Variants in ZNF610 observed in about 807,000 individuals in gnomAD.
ZNF610 encodes the protein zink finger protein.
In ZNF610, 14 loss-of-function variants were observed where a neutral mutation model predicts 14.1. The ratio of observed to expected loss-of-function variants is 0.99; its 90% confidence interval spans 0.65 to 1.55. ZNF610 has a LOEUF of 1.55. Among genes scored for constraint, ZNF610 ranks in the 40% most tolerant of loss-of-function variants. ZNF610 has a pLI of 0.00. For missense variants in ZNF610, 530 were observed against 558.0 expected, an observed-to-expected ratio of 0.95 and a Z score of 0.51; for synonymous variants, 185 against 187.6, an observed-to-expected ratio of 0.99 and a Z score of 0.11.
At chr19:52,353,652 G>C (rs758163500) in intron 3 of ZNF610, 30 bp from the exon 4 acceptor site, 1 of 1,609,448 alleles carries the variant, frequency 6.2e-7, no homozygotes, top group Admixed American at 1.7e-5. Context: ...TACATTTTTA[G>C]TGTTGTAAAC....
intron 1 of ZNF610, among the ~76,000 whole-genome samples, chr19:52,339,132 T>C (rs951719054): frequency 5.3e-5 from 8 of 152,070 alleles, no homozygotes; most frequent in Non-Finnish European, 7.3e-5. Flanking sequence ...GCAGTATTGC[T>C]GCCAGCATGT....
chr19:52,348,918 C>T (rs1170597373), intron 2 of ZNF610, among the ~76,000 whole-genome samples: 1 of 152,148 alleles, frequency 6.6e-6, no homozygotes, highest in African/African-American at 2.4e-5. Context: ...AGCCTAGCTC[C>T]CTACTGCTGT....
At chr19:52,355,488 G>T (rs1985480012) in intron 5 of ZNF610, among the ~76,000 whole-genome samples, 1 of 152,128 alleles carries the variant, frequency 6.6e-6, no homozygotes, top group African/African-American at 2.4e-5. Context: ...AAATGTGTGG[G>T]GATTTCTCCC....
chr19:52,361,228 G>A (rs1355154960), intron 5 of ZNF610, among the ~76,000 whole-genome samples: 1 of 151,324 alleles, frequency 6.6e-6, no homozygotes, highest in Non-Finnish European at 1.5e-5. Context: ...GCCCAGGCTG[G>A]AGTGCACTGG....
intron 1 of ZNF610, among the ~76,000 whole-genome samples, chr19:52,345,712 A>AT (rs56991468): frequency 0.02 from 3,060 of 150,548 alleles, 87 homozygotes; most frequent in African/African-American, 0.07. Context: ...TTTTATTTTT[A>AT]TTTTTTTTTG....
In ZNF610 at chr19:52,354,334, G is replaced by T. The variant is rs145543252; in HGVS notation, c.274G>T (p.Val92Leu). 1.9e-6 allele frequency: 3 copies of T among 1,613,992 alleles called. No homozygotes were observed. The East Asian group carries it at 6.7e-5, about 36-fold the overall frequency. The change falls in exon 5 of 6, where the codon GTA (valine) becomes TTA (leucine). Residue 92 changes from valine (V) to leucine (L), a missense_variant. Coordinates refer to ENST00000403906, the MANE Select transcript of ZNF610 (RefSeq NM_001161425.2). ...GATTCTGCAAAGTCAAGTTAAAATA[G>T]TAAAAAATACAGATGGAAGGGAATG... Reference protein sequence around the residue: ...PLILQSQVKIVKNTDGRECVR... With the variant: ...PLILQSQVKILKNTDGRECVR...
At chr19:52,350,693 CAAAA>C (rs906932491) in intron 3 of ZNF610, among the ~76,000 whole-genome samples, 2 of 150,690 alleles carry the variant, frequency 1.3e-5, no homozygotes, top group African/African-American at 4.9e-5. Context: ...CAAAACAAAA[CAAAA>C]AAAACCTATA....
At chr19:52,354,859 G>A (rs908806255) in intron 5 of ZNF610, among the ~76,000 whole-genome samples, 8 of 151,940 alleles carry the variant, frequency 5.3e-5, no homozygotes, top group African/African-American at 9.7e-5. Flanking sequence ...GATTACAGAC[G>A]TGAGCCACCA....
chr19:52,363,158 C>T (rs1159082922), intron 5 of ZNF610, among the ~76,000 whole-genome samples: 1 of 150,072 alleles, frequency 6.7e-6, no homozygotes, highest in Non-Finnish European at 1.5e-5. Context: ...CATAGTCTCA[C>T]CCTGTTGCCT....
intron 1 of ZNF610, among the ~76,000 whole-genome samples, chr19:52,338,704 G>A (rs1174274856): frequency 6.6e-6 from 1 of 151,338 alleles, no homozygotes; most frequent in Admixed American, 6.6e-5. Context: ...TAGTAAACAT[G>A]TTTTTTTTTC....
At chr19:52,344,561 T>G (rs1365419209) in intron 1 of ZNF610, among the ~76,000 whole-genome samples, 1 of 152,216 alleles carries the variant, frequency 6.6e-6, no homozygotes, top group African/African-American at 2.4e-5. Flanking sequence ...ACATCTCTTG[T>G]GCCTCCTTAC....
At position 52,355,725 on chromosome 19, in the gene ZNF610, G is replaced by A. The variant is rs1044793842; in HGVS notation, c.319+1346G>A. On this transcript the variant is annotated intron_variant, in intron 5 of 5. Coordinates refer to ENST00000403906, the MANE Select transcript of ZNF610 (RefSeq NM_001161425.2). ...TTCTTGGGTTGATTACTTTGCTCGGGTGGCTCACAGAACTCAGTGAGACAC... is the reference window on the plus strand; with the variant it reads ...TTCTTGGGTTGATTACTTTGCTCGGATGGCTCACAGAACTCAGTGAGACAC... Among the ~76,000 whole-genome samples, 3 of 152,208 alleles carry A rather than the reference G, an allele frequency of 2.0e-5. No homozygotes were observed. The South Asian group carries it at 6.2e-4, about 31-fold the overall frequency.
Position 52,366,031 on chromosome 19 carries a change from G to A in ZNF610, c.653G>A (p.Ser218Asn), listed in dbSNP as rs1319269868. The change falls in exon 6 of 6, where the codon AGC becomes AAC. Residue 218 changes from serine (S) to asparagine (N), a missense_variant. Ser to Asn is a conservative substitution (Grantham distance 46). Transcript: ENST00000403906. The part of the protein sequence containing the change: ...EDGEVFRVRA[S>N]LTNHQVIHTA... ...GGTGAAGTTTTTAGAGTCCGTGCAA[G>A]CCTTACTAACCATCAAGTAATCCAT... The A allele has an allele frequency of 6.2e-7, 1 of 1,614,106 alleles. No individual in the cohort carries two copies. Among genetic ancestry groups the A allele is most frequent in the South Asian group, 1.1e-5 (1 of 91,060 alleles).
At chr19:52,334,001 AAAG>A (rs1169473848), upstream of ZNF610, among the ~76,000 whole-genome samples, 1 of 152,212 alleles carries the variant, frequency 6.6e-6, no homozygotes, top group East Asian at 1.9e-4. Context: ...TCCCTGCAGA[AAAG>A]AACATGAGTT....
intron 5 of ZNF610, 82 bp from the exon 6 acceptor site, chr19:52,365,616 G>A (rs1360033131): frequency 8.0e-7 from 1 of 1,256,710 alleles, no homozygotes; most frequent in Admixed American, 2.3e-5. Context: ...TCTGAGTTGG[G>A]TGAGGCTGAT....
At chr19:52,337,174 C>G (rs1362892769) in intron 1 of ZNF610, among the ~76,000 whole-genome samples, 1 of 151,010 alleles carries the variant, frequency 6.6e-6, no homozygotes, top group African/African-American at 2.4e-5. Flanking sequence ...GGAGGCTCCT[C>G]AGACAGAGTA....
chr19:52,358,196 T>C (rs1015611727), intron 5 of ZNF610, among the ~76,000 whole-genome samples: 4 of 152,196 alleles, frequency 2.6e-5, no homozygotes, highest in African/African-American at 7.2e-5. Flanking sequence ...TTTTGCTTTC[T>C]TTTTTTGAGA....
intron 1 of ZNF610, chr19:52,345,521 T>C (rs1984895981): frequency 6.6e-6 from 1 of 151,382 alleles, no homozygotes; most frequent in African/African-American, 2.4e-5. Flanking sequence ...TTGGAACTGA[T>C]ATGAGAACAC....
chr19:52,363,091 C>T (rs1025232862), intron 5 of ZNF610, among the ~76,000 whole-genome samples: 10 of 150,468 alleles, frequency 6.6e-5, no homozygotes, highest in African/African-American at 2.4e-4. Context: ...GCTCCAAAGC[C>T]GAGAGACAGA....
Sources: allele counts gnomAD v4.1 joint callset (sites outside exome capture counted in the v4.1 genomes callset), GRCh38; gene constraint gnomAD v4.1.1; transcripts MANE v1.5; gene names NCBI Gene and HGNC (gene_info 2026-07-23, HGNC 2026-07-21).